The following SYNE1 variants were observed in gnomAD, a reference collection of about 807,000 sequenced individuals.
SYNE1 encodes spectrin repeat containing nuclear envelope protein 1.
In SYNE1, 616 loss-of-function variants were observed where a neutral mutation model predicts 1,111.0. That is an observed-to-expected ratio of 0.55 (90% CI 0.52 to 0.59). SYNE1 has a LOEUF of 0.59. Among genes scored for constraint, SYNE1 ranks in the 20% least tolerant of loss-of-function variants. The probability of loss-of-function intolerance (pLI) is 0.00; values close to 1 mark genes in which losing one functional copy is unlikely to be tolerated. For missense variants in SYNE1, 10,006 were observed against 10,417.0 expected (o/e 0.96, Z 1.72); for synonymous variants, 3,855 against 3,825.8 (o/e 1.01, Z -0.28).
chr6:152,135,530 G>C (rs1457561773), intron 141 of SYNE1, among the ~76,000 whole-genome samples: 1 of 152,218 alleles, frequency 6.6e-6, no homozygotes, highest in Non-Finnish European at 1.5e-5. Flanking sequence ...AAGCAACTCT[G>C]CTGCCCTCTC....
chr6:152,387,263 G>A lies in SYNE1; in HGVS notation c.8296C>T (p.Leu2766=). The A allele has an allele frequency of 6.2e-7, 1 of 1,614,188 alleles. No homozygotes were observed. The highest frequency in any genetic ancestry group is 1.3e-5 in the African/African-American group (1 of 75,068). The change falls in exon 54 of 146, where the codon CTG becomes TTG. Residue 2766 remains leucine, a synonymous_variant. Coordinates refer to ENST00000367255, the MANE Select transcript of SYNE1 (RefSeq NM_182961.4). ...TCAAGCAGGACGAACTTCTCTTTCA[G>A]ACCTGGCTGTGGTTGTAAGGGATGT... ...IEHPLQPQPG[L]KEKFVLLDHL...
intron 22 of SYNE1, among the ~76,000 whole-genome samples, chr6:152,456,961 A>G (rs757112346): frequency 7.9e-5 from 12 of 152,208 alleles, no homozygotes; most frequent in African/African-American, 1.2e-4. Flanking sequence ...AAAGGGTAAT[A>G]TAAGTCCAAA....
At chr6:152,232,030 T>C (rs1385668546) in intron 113 of SYNE1, 86 bp downstream of exon 113, 1 of 1,045,068 alleles carries the variant, frequency 9.6e-7, no homozygotes, top group Non-Finnish European at 1.5e-6. Flanking sequence ...ATTCCAAGAC[T>C]TGATTACCAT....
At position 152,330,946 on chromosome 6, in the gene SYNE1, T is replaced by A; in HGVS notation, c.13739A>T (p.Gln4580Leu). The A allele has an allele frequency of 6.2e-7, 1 of 1,614,234 alleles. No homozygotes were observed. Among genetic ancestry groups the A allele is most frequent in the South Asian group, 1.1e-5 (1 of 91,086 alleles). Residue 4580 changes from glutamine to leucine, a missense_variant, in exon 78 of 146, where the codon CAA (glutamine) becomes CTA (leucine). Transcript: ENST00000367255. Reference protein sequence around the residue: ...DFDKACHWLKQADIVTFPEIN... With the variant: ...DFDKACHWLKLADIVTFPEIN... ...TTCAGGAAATGTAACAATATCTGCT[T>A]GTTTTAGCCAGTGGCAAGCTTTATC...
intron 29 of SYNE1, among the ~76,000 whole-genome samples, chr6:152,444,808 G>A (rs932862792): frequency 6.6e-6 from 1 of 152,016 alleles, no homozygotes; most frequent in African/African-American, 2.4e-5. Context: ...CAAGTTTCAA[G>A]TATACAATAG....
At chr6:152,240,703 T>C (rs1330639682) in intron 107 of SYNE1, among the ~76,000 whole-genome samples, 1 of 152,208 alleles carries the variant, frequency 6.6e-6, no homozygotes, top group African/African-American at 2.4e-5. Context: ...CTAACAACTC[T>C]ATAACTCTAT....
chr6:152,530,639 T>C (rs1404978604), intron 4 of SYNE1, among the ~76,000 whole-genome samples: 1 of 151,576 alleles, frequency 6.6e-6, no homozygotes, highest in Non-Finnish European at 1.5e-5. Context: ...TTTTTTTTTT[T>C]GAGACGGAGT....
In SYNE1 at chr6:152,510,309, C is replaced by CA; in HGVS notation, c.464dup (p.Asp156GlyfsTer5). On this transcript the variant is annotated frameshift_variant, in exon 8 of 146. Coordinates refer to ENST00000367255, the MANE Select transcript of SYNE1 (RefSeq NM_182961.4). LOFTEE classifies it high-confidence loss of function. ...GAGTCTCAGAGCTAACTATGCTGTC[C>CA]ACGGAGGATGCGCTGCTGGACAAAG... 2 of 1,613,982 alleles carry CA rather than the reference C, an allele frequency of 1.2e-6. No individual in the cohort carries two copies. The highest frequency in any genetic ancestry group is 1.7e-6 in the Non-Finnish European group (2 of 1,179,964).
chr6:152,369,169 AGC>A, intron 60 of SYNE1, 42 bp from the exon 61 acceptor site: 2 of 1,606,486 alleles, frequency 1.2e-6, no homozygotes, highest in Non-Finnish European at 8.5e-7. Context: ...GCTGGGGAAA[AGC>A]ACATCGCGGA....
intron 40 of SYNE1, among the ~76,000 whole-genome samples, chr6:152,417,527 C>CAG (rs2098180915): frequency 7.6e-6 from 1 of 130,804 alleles, no homozygotes; most frequent in Non-Finnish European, 1.7e-5. Flanking sequence ...CAAACAAACA[C>CAG]AACTCTGTTT....
rs2097404207 is a variant in SYNE1, at chr6:152,380,998, C to A, written c.9009+8G>T. On this transcript the variant is annotated splice_region_variant and intron_variant, in intron 56 of 145. Coordinates refer to ENST00000367255, the MANE Select transcript of SYNE1 (RefSeq NM_182961.4). ...TAACCACCAATAGAAAACAGGAAGC[C>A]AACTTACTTGTCCTTTGTGCCAGCA... The A allele has an allele frequency of 6.2e-7, 1 of 1,613,326 alleles. No individual in the cohort carries two copies. The highest frequency in any genetic ancestry group is 8.5e-7 in the Non-Finnish European group (1 of 1,179,406).
At chr6:152,130,805 AAAG>A (rs767578580) in intron 144 of SYNE1, 27 bp from the exon 145 acceptor site, 1 of 1,613,198 alleles carries the variant, frequency 6.2e-7, no homozygotes, top group East Asian at 2.2e-5. Context: ...GGGGGTAAAG[AAAG>A]AAGAATGTTC....
chr6:152,168,142 A>G, intron 130 of SYNE1: 1 of 779,206 alleles, frequency 1.3e-6, no homozygotes, highest in Non-Finnish European at 2.4e-6. Flanking sequence ...AATCTGGGAG[A>G]TCTGCATCCA....
intron 85 of SYNE1, 36 bp downstream of exon 85, chr6:152,318,827 T>C: frequency 1.2e-6 from 2 of 1,612,156 alleles, no homozygotes; most frequent in Non-Finnish European, 1.7e-6. Context: ...ACTATTTAAT[T>C]CATTCAGTAG....
chr6:152,504,407 C>A (rs1564505444), intron 9 of SYNE1, among the ~76,000 whole-genome samples: 1 of 151,998 alleles, frequency 6.6e-6, no homozygotes, highest in Non-Finnish European at 1.5e-5. Context: ...GTCTGAAATT[C>A]CATCTTTAAA....
chr6:152,451,509 G>A (rs1267629370), intron 25 of SYNE1, among the ~76,000 whole-genome samples: 3 of 121,194 alleles, frequency 2.5e-5, no homozygotes, highest in East Asian at 2.6e-4. Context: ...GTGAGATGGA[G>A]TCTCGCTCTG....
At chr6:152,163,556 T>C (rs1298137712) in intron 131 of SYNE1, among the ~76,000 whole-genome samples, 1 of 151,028 alleles carries the variant, frequency 6.6e-6, no homozygotes, top group East Asian at 1.9e-4. Flanking sequence ...AGGTGAAAAT[T>C]TCTTCTGTAT....
In SYNE1 at chr6:152,345,923, T is replaced by C. The variant is rs748657627; in HGVS notation, c.12078+1136A>G. Among the ~76,000 whole-genome samples, 68 of 152,212 alleles carry C rather than the reference T, an allele frequency of 4.5e-4. 2 individuals carry two copies. Among genetic ancestry groups the C allele is most frequent in the Admixed American group, 4.4e-3 (68 of 15,286 alleles). On this transcript the variant is annotated intron_variant, in intron 73 of 145. Transcript: ENST00000367255. ...GTCATATTTGTCAGTTACTCGTTTC[T>C]CAAATTCTATATGAATGCAAACAAA...
At chr6:152,324,748 C>T (rs2153946416) in intron 81 of SYNE1, among the ~76,000 whole-genome samples, 1 of 152,244 alleles carries the variant, frequency 6.6e-6, no homozygotes, top group Admixed American at 6.5e-5. Flanking sequence ...TTGCAGTGAG[C>T]CGAGATGGCG....
Sources: gnomAD v4.1 joint callset for allele counts (sites outside exome capture counted in the v4.1 genomes callset) on GRCh38, gnomAD v4.1.1 for gene constraint, MANE v1.5 for transcripts, NCBI Gene and HGNC (gene_info 2026-07-23, HGNC 2026-07-21) for gene names.